Variants in HNRNPA2B1 observed in about 807,000 individuals in gnomAD.
HNRNPA2B1 encodes heterogeneous nuclear ribonucleoproteins A2/B1.
Under a neutral mutation model 46.3 loss-of-function variants are expected in HNRNPA2B1, and 3 were observed. The ratio of observed to expected loss-of-function variants is 0.06; its 90% CI spans 0.03 to 0.17. HNRNPA2B1 has a LOEUF of 0.17. Ranked by LOEUF, HNRNPA2B1 falls within the 10% of genes least tolerant of loss-of-function variation. The pLI is 1.00. For synonymous variants in HNRNPA2B1, 225 were observed against 133.8 expected, an observed-to-expected ratio of 1.68 and a Z score of -4.70; for missense variants, 221 against 418.9, an observed-to-expected ratio of 0.53 and a Z score of 4.12.
At position 26,197,634 on chromosome 7, in the gene HNRNPA2B1, A is replaced by C; in HGVS notation, c.105T>G (p.Leu35=). ...LRNYYEQWGK[L]TDCVVMRDPA... Reference sequence around the variant, plus strand: ...GTAATTTACATACCACACAGTCTGTAAGCTTTCCCCATTGTTCGTAGTAGT... The same window carrying C: ...GTAATTTACATACCACACAGTCTGTCAGCTTTCCCCATTGTTCGTAGTAGT... The change falls in exon 2 of 11, where the codon CTT becomes CTG. Residue 35 remains leucine (L), a synonymous_variant. Transcript: ENST00000618183. 6.2e-7 allele frequency: 1 copy of C among 1,612,482 alleles called. No individual in the cohort carries two copies. Among genetic ancestry groups the C allele is most frequent in the Non-Finnish European group, 8.5e-7 (1 of 1,178,580 alleles).
rs1655102910 is a variant in HNRNPA2B1 at position 26,190,112 on chromosome 7, A to G, written c.*2248T>C. On this transcript the variant is annotated 3_prime_UTR_variant, in exon 11 of 11. Coordinates refer to ENST00000618183, the MANE Select transcript of HNRNPA2B1 (RefSeq NM_002137.4). ...AGATTCACACATTTTATGTGTAAAC[A>G]TTACACCAAGTATTTGGATACAAAA... The G allele has an allele frequency of 6.6e-6, 1 of 152,666 alleles. No homozygotes were observed. The highest frequency in any genetic ancestry group is 2.1e-4 in the South Asian group (1 of 4,836). The allele number at this position is 152,666 out of a possible 1,614,324, so 9.5% of individuals were successfully genotyped here. A position where few individuals can be genotyped will look rare whatever the true frequency, so the allele number is the denominator to read the frequency against.
chr7:26,196,793 G>C lies in HNRNPA2B1; in HGVS notation c.475+14C>G, dbSNP rs762364030. On this transcript the variant is annotated intron_variant, in intron 4 of 10. Coordinates refer to ENST00000618183, the MANE Select transcript of HNRNPA2B1 (RefSeq NM_002137.4). ...CACTGGAAAAAAACAGTACATTTGT[G>C]GTTAGACACTTACATACGATTTTAT... The C allele has an allele frequency of 6.2e-7, 1 of 1,605,584 alleles. No homozygotes were observed. Among genetic ancestry groups the C allele is most frequent in the African/African-American group, 1.3e-5 (1 of 74,644 alleles).
chr7:26,199,556 A>C (rs1033578613), intron 1 of HNRNPA2B1: 2 of 152,262 alleles, frequency 1.3e-5, no homozygotes, highest in African/African-American at 4.8e-5. Flanking sequence ...TAACAACATT[A>C]CTTAAAATGA....
rs553905088 is a variant in HNRNPA2B1, at chr7:26,194,289, T to C, written c.722-595A>G. 3.9e-5 allele frequency among the ~76,000 whole-genome samples: 6 copies of C among 152,166 alleles called. No individual in the cohort carries two copies. In the East Asian group the frequency reaches 1.2e-3, roughly 29 times the overall value. On this transcript the variant is annotated intron_variant, in intron 7 of 10. Coordinates refer to ENST00000618183, the MANE Select transcript of HNRNPA2B1 (RefSeq NM_002137.4). Reference sequence around the variant, plus strand: ...CAGCAACCTGTAGTACTAGCTACTCTGGAGGCTGAGGCAGGAGAATGGCGT... The same window carrying C: ...CAGCAACCTGTAGTACTAGCTACTCCGGAGGCTGAGGCAGGAGAATGGCGT...
At chr7:26,195,937 T>G in intron 6 of HNRNPA2B1, 28 bp from the exon 7 acceptor site, 1 of 1,591,824 alleles carries the variant, frequency 6.3e-7, no homozygotes, top group Non-Finnish European at 8.5e-7. Flanking sequence ...AAGATTACGT[T>G]TACTATAAAC....
chr7:26,195,092 C>CAAAAAAAAAAAAA (rs11356411), intron 7 of HNRNPA2B1, among the ~76,000 whole-genome samples: 1 of 51,936 alleles, frequency 1.9e-5, no homozygotes, highest in Non-Finnish European at 4.7e-5. Flanking sequence ...GGCTCCGTCT[C>CAAAAAAAAAAAAA]AAAAAAAAAA....
intron 7 of HNRNPA2B1, among the ~76,000 whole-genome samples, chr7:26,194,577 C>A (rs889828087): frequency 2.0e-5 from 3 of 150,716 alleles, no homozygotes; most frequent in African/African-American, 4.9e-5. Context: ...TGGCACACCC[C>A]GTAGTTCCAG....
At chr7:26,199,144 C>A (rs1482125902) in intron 1 of HNRNPA2B1, 1 of 152,502 alleles carries the variant, frequency 6.6e-6, no homozygotes, top group South Asian at 2.1e-4. Flanking sequence ...ACATTTATAA[C>A]AAGTTTTACA....
rs1313967145 is a variant in HNRNPA2B1, at chr7:26,190,953, T to C, written c.*1407A>G. On this transcript the variant is annotated 3_prime_UTR_variant, in exon 11 of 11. Transcript: ENST00000618183. ...TACACAAGGGTGTAACGATGGGAAA[T>C]CTCATGATTTATTGAACTTGCAGCC... 6.6e-6 allele frequency: 1 copy of C among 152,538 alleles called. No homozygotes were observed. The highest frequency in any genetic ancestry group is 6.6e-5 in the Admixed American group (1 of 15,262). The allele number at this position is 152,538 out of a possible 1,614,324, so 9.4% of individuals were successfully genotyped here. A position where few individuals can be genotyped will look rare whatever the true frequency, so the allele number is the denominator to read the frequency against.
At chr7:26,196,350 T>C (rs753882143) in intron 6 of HNRNPA2B1, 51 bp downstream of exon 6, 12 of 1,436,632 alleles carry the variant, frequency 8.4e-6, no homozygotes, top group South Asian at 6.0e-5. Context: ...CCTAATCATA[T>C]TTAAAATAAA....
chr7:26,200,100 T>A (rs150452989), intron 1 of HNRNPA2B1: 2 of 191,834 alleles, frequency 1.0e-5, no homozygotes, highest in Non-Finnish European at 2.2e-5. Context: ...AAAAGAGTTA[T>A]AAGGAAAACG....
chr7:26,196,682 T>C, intron 4 of HNRNPA2B1, 24 bp from the exon 5 acceptor site: 1 of 1,594,642 alleles, frequency 6.3e-7, no homozygotes, highest in African/African-American at 1.3e-5. Context: ...TTCAGACTCC[T>C]TTTAAATTAA....
chr7:26,198,815 AATT>A (rs1327765417), intron 1 of HNRNPA2B1: 6 of 152,196 alleles, frequency 3.9e-5, no homozygotes, highest in African/African-American at 1.2e-4. Flanking sequence ...ATTTTCAATC[AATT>A]ATTTTTTGTT....
chr7:26,197,944 T>A lies in HNRNPA2B1; in HGVS notation c.7-212A>T, dbSNP rs553671117. 9.2e-6 allele frequency: 8 copies of A among 869,826 alleles called. No individual in the cohort carries two copies. In the African/African-American group the frequency reaches 1.1e-4, roughly 12 times the overall value. The allele number at this position is 869,826 out of a possible 1,614,324, so 53.9% of individuals were successfully genotyped here. A position where few individuals can be genotyped will look rare whatever the true frequency, so the allele number is the denominator to read the frequency against. Reference sequence around the variant, plus strand: ...TATTAGTTGTGTTACACCAAAAAATTGCCTCAGCTGATCTACACAAGTTTC... The same window carrying A: ...TATTAGTTGTGTTACACCAAAAAATAGCCTCAGCTGATCTACACAAGTTTC... On this transcript the variant is annotated intron_variant, in intron 1 of 10. Coordinates refer to ENST00000618183, the MANE Select transcript of HNRNPA2B1 (RefSeq NM_002137.4).
At chr7:26,197,098 C>T in intron 3 of HNRNPA2B1, 81 bp from the exon 4 acceptor site, 3 of 1,207,858 alleles carry the variant, frequency 2.5e-6, no homozygotes, top group Non-Finnish European at 3.6e-6. Flanking sequence ...TAGTACCATA[C>T]TTCGCTTGTA....
intron 9 of HNRNPA2B1, 110 bp downstream of exon 9, chr7:26,193,141 G>A: frequency 2.9e-6 from 3 of 1,036,532 alleles, no homozygotes; most frequent in Non-Finnish European, 4.3e-6. Context: ...GACCGTACAT[G>A]GAGCACTGCC....
rs1471801519 is a variant in HNRNPA2B1 at position 26,191,372 on chromosome 7, TTATC to T, written c.*984_*987del. On this transcript the variant is annotated 3_prime_UTR_variant, in exon 11 of 11. Coordinates refer to ENST00000618183, the MANE Select transcript of HNRNPA2B1 (RefSeq NM_002137.4). ...TGAAAGACCATTTAAGAGTATTAGT[TTATC>T]TTTTAGGGAGGAAAATTAAGAAAGG... 18 of 152,300 alleles carry T rather than the reference TTATC, an allele frequency of 1.2e-4. No homozygotes were observed. The highest frequency in any genetic ancestry group is 2.4e-4 in the Non-Finnish European group (16 of 68,000). The allele number at this position is 152,300 out of a possible 1,614,324, so 9.4% of individuals were successfully genotyped here.
At chr7:26,200,340 C>T (rs530942916) in intron 1 of HNRNPA2B1, 32 of 589,844 alleles carry the variant, frequency 5.4e-5, no homozygotes, top group Middle Eastern at 3.2e-4. Flanking sequence ...TGAAAGCTCC[C>T]CATCCCCCAC....
intron 9 of HNRNPA2B1, among the ~76,000 whole-genome samples, chr7:26,192,990 A>G (rs1335424180): frequency 6.6e-6 from 1 of 152,150 alleles, no homozygotes; most frequent in Non-Finnish European, 1.5e-5. Flanking sequence ...TTGCAACTGT[A>G]TTTAGCTGTT....
Sources: gnomAD v4.1 joint callset for allele counts (sites outside exome capture counted in the v4.1 genomes callset) on GRCh38, gnomAD v4.1.1 for gene constraint, MANE v1.5 for transcripts, NCBI Gene and HGNC (gene_info 2026-07-23, HGNC 2026-07-21) for gene names.